Variants in DLGAP4 observed in about 807,000 individuals in gnomAD.
DLGAP4 encodes the protein disks large-associated protein 4.
Under a neutral mutation model 86.9 loss-of-function variants are expected in DLGAP4, and 18 were observed. The observed-to-expected ratio is 0.21, with a 90% CI of 0.14 to 0.31. The LOEUF (loss-of-function observed/expected upper bound fraction) is 0.31. DLGAP4 is among the 10% of genes least tolerant of loss of function. The pLI is 1.00. For missense variants in DLGAP4, 1,085 were observed against 1,362.6 expected (o/e 0.80, Z 3.21); for synonymous variants, 548 against 574.3 (o/e 0.95, Z 0.65).
intron 2 of DLGAP4, among the ~76,000 whole-genome samples, chr20:36,428,366 G>C (rs939573654): frequency 1.7e-4 from 26 of 152,208 alleles, no homozygotes; most frequent in African/African-American, 6.0e-4. Context: ...GGGGAAGATG[G>C]ACAAGAAACT....
chr20:36,393,055 C>T lies in DLGAP4; in HGVS notation c.-73+25780C>T, dbSNP rs1393693736. Among the ~76,000 whole-genome samples, 6 of 95,962 alleles carry T rather than the reference C, an allele frequency of 6.3e-5. No individual in the cohort carries two copies. Among genetic ancestry groups the T allele is most frequent in the Non-Finnish European group, 1.3e-4 (6 of 47,664 alleles). 63.0% of individuals were successfully genotyped at this position (95,962 alleles called of 152,430 possible). On this transcript the variant is annotated intron_variant, in intron 2 of 12. Coordinates refer to ENST00000339266, the MANE Select transcript of DLGAP4 (RefSeq NM_001365621.2). This position sits in a 1 kb window ranked among gnomAD's most constrained non-coding sequence, Gnocchi z 4.4. The stretch of plus-strand genomic sequence containing the variant: ...AGGACTGGGAAAGGGAGGCTGGGGG[C>T]GGGGGAATGGGTGGGGTAGGAATGT...
intron 2 of DLGAP4, among the ~76,000 whole-genome samples, chr20:36,406,884 C>G (rs1016057430): frequency 4.6e-5 from 7 of 152,118 alleles, no homozygotes; most frequent in Admixed American, 1.3e-4. Flanking sequence ...CAGAGATTAA[C>G]AGGGCCCAGC....
intron 12 of DLGAP4, 67 bp from the exon 13 acceptor site, chr20:36,526,746 G>T: frequency 7.0e-7 from 1 of 1,429,326 alleles, no homozygotes; most frequent in Non-Finnish European, 9.4e-7. Context: ...CATATGGTGG[G>T]GGTAGTGCCA....
At chr20:36,454,959 T>G (rs927329498) in intron 7 of DLGAP4, among the ~76,000 whole-genome samples, 1 of 152,182 alleles carries the variant, frequency 6.6e-6, no homozygotes, top group African/African-American at 2.4e-5. Context: ...GGCAGGTGAC[T>G]GGCAGGCGGG....
At chr20:36,462,661 T>G in intron 7 of DLGAP4, 1 of 1,546,312 alleles carries the variant, frequency 6.5e-7, no homozygotes, top group Non-Finnish European at 8.7e-7. Context: ...CGGCCGAGGC[T>G]CCATGGGGTT....
At chr20:36,354,370 G>A (rs1262580431) in intron 1 of DLGAP4, among the ~76,000 whole-genome samples, 9 of 152,138 alleles carry the variant, frequency 5.9e-5, no homozygotes, top group African/African-American at 2.2e-4. Context: ...TTTGAGTACT[G>A]TTTACACTCC....
chr20:36,449,054 G>C (rs1372949649), intron 7 of DLGAP4, among the ~76,000 whole-genome samples: 2 of 152,166 alleles, frequency 1.3e-5, no homozygotes, highest in African/African-American at 4.8e-5. Flanking sequence ...CTCTGTTTCT[G>C]GTTCCTCCAC....
intron 1 of DLGAP4, among the ~76,000 whole-genome samples, chr20:36,321,421 A>G (rs1470352591): frequency 1.3e-5 from 2 of 152,362 alleles, no homozygotes; most frequent in East Asian, 3.9e-4. Context: ...CCAGCAAGGC[A>G]GTGGCCAGGT....
At chr20:36,388,335 G>A (rs1417051902) in intron 2 of DLGAP4, among the ~76,000 whole-genome samples, 2 of 152,168 alleles carry the variant, frequency 1.3e-5, no homozygotes, top group African/African-American at 4.8e-5. Flanking sequence ...GTGTCTGTCT[G>A]GGGCCTGATT....
chr20:36,462,102 C>G (rs930936915), intron 7 of DLGAP4: 32 of 996,682 alleles, frequency 3.2e-5, no homozygotes, highest in Non-Finnish European at 3.8e-5. Context: ...GGGGTCTCGC[C>G]TCCTCTGAAC....
At chr20:36,497,549 TG>T in intron 8 of DLGAP4, 4 of 989,600 alleles carry the variant, frequency 4.0e-6, no homozygotes, top group Non-Finnish European at 4.8e-6. Flanking sequence ...CCTTGAGCCA[TG>T]GGGGTTGCTC....
rs2037820119 is a variant in DLGAP4 at position 36,527,126 on chromosome 20, TTC to T, written c.*97_*98del. The T allele has an allele frequency of 1.5e-6, 2 of 1,347,120 alleles. No homozygotes were observed. The highest frequency in any genetic ancestry group is 2.5e-5 in the East Asian group (1 of 40,128). The allele number at this position is 1,347,120 out of a possible 1,614,324, so 83.4% of individuals were successfully genotyped here. A position where few individuals can be genotyped will look rare whatever the true frequency, so the allele number is the denominator to read the frequency against. On this transcript the variant is annotated 3_prime_UTR_variant, in exon 13 of 13. Coordinates refer to ENST00000339266, the MANE Select transcript of DLGAP4 (RefSeq NM_001365621.2). ...GTTTTCTCAACCTTTGCTATGGTTA[TTC>T]TGTCTAGAGACCCTGAGCCAACTTT... is the stretch of plus-strand genomic sequence containing the variant.
At chr20:36,342,093 A>G (rs1449888069) in intron 1 of DLGAP4, among the ~76,000 whole-genome samples, 1 of 152,126 alleles carries the variant, frequency 6.6e-6, no homozygotes, top group Non-Finnish European at 1.5e-5. Context: ...GGCTGTGCAC[A>G]TAGCCCCCCA....
chr20:36,420,587 C>CA (rs551245927), intron 2 of DLGAP4, among the ~76,000 whole-genome samples: 6 of 152,232 alleles, frequency 3.9e-5, no homozygotes, highest in African/African-American at 1.4e-4. Context: ...CCTGTAATCC[C>CA]AGCACTTTGA....
intron 7 of DLGAP4, among the ~76,000 whole-genome samples, chr20:36,449,983 G>T (rs542563713): frequency 9.2e-5 from 14 of 152,280 alleles, no homozygotes; most frequent in African/African-American, 3.1e-4. Flanking sequence ...TCTAGCCAGG[G>T]CATGTTCTCC....
chr20:36,465,268 G>A (rs988589380), intron 7 of DLGAP4: 1 of 151,734 alleles, frequency 6.6e-6, no homozygotes, highest in African/African-American at 2.4e-5. Context: ...CTCCCAGGCT[G>A]TGTGAGGCAT....
rs746042271 is a variant in DLGAP4, at chr20:36,497,000, G to T, written c.1944G>T (p.Thr648=). ...KHAALKSEQG[T]LTSSESHPEA... is the part of the protein sequence containing the mutation. ...CAGCTCTGAAAAGTGAACAAGGGAC[G>T]CTGACCAGCTCTGAGTCCCACCCCG... Residue 648 remains threonine, a synonymous_variant, in exon 8 of 13, where the codon ACG becomes ACT. Coordinates refer to ENST00000339266, the MANE Select transcript of DLGAP4 (RefSeq NM_001365621.2). 3 of 1,614,110 alleles carry T rather than the reference G, an allele frequency of 1.9e-6. No individual in the cohort carries two copies. The highest frequency in any genetic ancestry group is 2.2e-5 in the East Asian group (1 of 44,882).
chr20:36,412,848 C>A (rs929328755), intron 2 of DLGAP4, among the ~76,000 whole-genome samples: 28 of 152,100 alleles, frequency 1.8e-4, no homozygotes, highest in Admixed American at 3.3e-4. Flanking sequence ...CCAGGTGAAA[C>A]GCCTTTTAAA....
intron 7 of DLGAP4, among the ~76,000 whole-genome samples, chr20:36,469,680 G>A (rs2034570821): frequency 6.6e-6 from 1 of 151,572 alleles, no homozygotes; most frequent in Non-Finnish European, 1.5e-5. Context: ...TTGAACCCGG[G>A]AGGTGGAGGT....
Sources: allele counts gnomAD v4.1 joint callset (sites outside exome capture counted in the v4.1 genomes callset), GRCh38; gene constraint gnomAD v4.1.1; non-coding constraint Gnocchi (gnomAD v3.1); transcripts MANE v1.5; gene names NCBI Gene and HGNC (gene_info 2026-07-23, HGNC 2026-07-21).